PADI4: variants seen among roughly 807,000 people sequenced by gnomAD.
PADI4 encodes the protein protein-arginine deiminase type-4.
In PADI4, 62 loss-of-function variants were observed where a neutral mutation model predicts 75.0. The observed-to-expected ratio is 0.83, with a 90% CI of 0.67 to 1.02. PADI4 has a LOEUF of 1.02. Ranked by LOEUF, PADI4 falls within the 50% of genes least tolerant of loss-of-function variation. The pLI, the probability that PADI4 is intolerant of heterozygous loss-of-function variation, is 0.00. For missense variants in PADI4, 845 were observed against 850.5 expected, an observed-to-expected ratio of 0.99 and a Z score of 0.08; for synonymous variants, 361 against 348.1, an observed-to-expected ratio of 1.04 and a Z score of -0.41.
chr1:17,308,971 G>A (rs759152361), intron 1 of PADI4, among the ~76,000 whole-genome samples: 37 of 152,102 alleles, frequency 2.4e-4, no homozygotes, highest in Non-Finnish European at 4.9e-4. Context: ...CCCATCCTTG[G>A]TAGTTTTTAT....
chr1:17,344,826 T>C (rs1490454034), intron 8 of PADI4, among the ~76,000 whole-genome samples: 3 of 152,218 alleles, frequency 2.0e-5, no homozygotes, highest in African/African-American at 7.2e-5. Flanking sequence ...GGGGTGGTGT[T>C]CTCATGGAAA....
At chr1:17,325,768 G>A (rs1553143939) in intron 1 of PADI4, among the ~76,000 whole-genome samples, 1 of 151,582 alleles carries the variant, frequency 6.6e-6, no homozygotes, top group Non-Finnish European at 1.5e-5. Context: ...GAGTGCAATG[G>A]CACAATCTTG....
intron 10 of PADI4, among the ~76,000 whole-genome samples, chr1:17,353,315 A>T (rs1194386610): frequency 6.6e-6 from 1 of 152,086 alleles, no homozygotes; most frequent in Admixed American, 6.6e-5. Flanking sequence ...CAACTTTAAA[A>T]ATTAGCCAGG....
chr1:17,330,479 A>T (rs954811562), intron 1 of PADI4, among the ~76,000 whole-genome samples: 2 of 152,178 alleles, frequency 1.3e-5, no homozygotes, highest in Non-Finnish European at 2.9e-5. Flanking sequence ...GCTCAGTCTG[A>T]ATTTGAAAGC....
intron 13 of PADI4, among the ~76,000 whole-genome samples, chr1:17,357,472 CA>C (rs2074779967): frequency 1.3e-5 from 2 of 151,496 alleles, no homozygotes; most frequent in African/African-American, 4.8e-5. Context: ...TGGCTTAAAA[CA>C]AGGACATTTC....
chr1:17,328,003 G>C (rs886844686), intron 1 of PADI4, among the ~76,000 whole-genome samples: 1 of 151,486 alleles, frequency 6.6e-6, no homozygotes, highest in Non-Finnish European at 1.5e-5. Flanking sequence ...TATTATTTTG[G>C]TGAATATCTT....
chr1:17,340,790 C>CT (rs138301211), intron 6 of PADI4, among the ~76,000 whole-genome samples: 3,309 of 126,622 alleles, frequency 0.026, 37 homozygotes, highest in African/African-American at 0.031. Context: ...CTATTCCAAG[C>CT]TTTTTTTTTT....
At chr1:17,331,748 T>A (rs143028466) in intron 2 of PADI4, among the ~76,000 whole-genome samples, 1 of 151,964 alleles carries the variant, frequency 6.6e-6, no homozygotes, top group Non-Finnish European at 1.5e-5. Flanking sequence ...TGAAACCCCA[T>A]CTCTATTAAA....
intron 3 of PADI4, chr1:17,334,307 A>ATTT (rs34965359): frequency 0.037 from 12,426 of 339,054 alleles, 22 homozygotes; most frequent in South Asian, 0.049. Context: ...ATCTCCATTA[A>ATTT]TTTTTTTTTT....
chr1:17,356,029 G>A lies in PADI4; in HGVS notation c.1357G>A (p.Ala453Thr). ...MHQALQDFLS[A>T]QQVQAPVKLY... Reference sequence around the variant, plus strand: ...CCAGGCCCTGCAGGACTTCCTCAGTGCCCAGCAGGTGCAGGCCCCTGTGAA... The same window carrying A: ...CCAGGCCCTGCAGGACTTCCTCAGTACCCAGCAGGTGCAGGCCCCTGTGAA... The change falls in exon 12 of 16, where the codon GCC becomes ACC. Residue 453 changes from alanine to threonine, a missense_variant. Transcript: ENST00000375448. This position sits in a 1 kb window ranked among gnomAD's most constrained non-coding sequence, Gnocchi z 4.1. 6.2e-7 allele frequency: 1 copy of A among 1,614,106 alleles called. No homozygotes were observed.
At chr1:17,330,442 A>G (rs2074190161) in intron 1 of PADI4, among the ~76,000 whole-genome samples, 1 of 152,208 alleles carries the variant, frequency 6.6e-6, no homozygotes, top group Non-Finnish European at 1.5e-5. Context: ...ACGATCTGCA[A>G]GCTGGGGAAG....
chr1:17,363,665 C>T lies in PADI4; in HGVS notation c.1902C>T (p.Phe634=), dbSNP rs866450005. 6.2e-7 allele frequency: 1 copy of T among 1,614,204 alleles called. No individual in the cohort carries two copies. Among genetic ancestry groups the T allele is most frequent in the Non-Finnish European group, 8.5e-7 (1 of 1,179,990 alleles). The part of the protein sequence containing the change: ...GLQCTFINDF[F]TYHIRHGEVH... Reference sequence around the variant, plus strand: ...AGTGCACCTTCATCAACGACTTCTTCACCTACCACATCAGGCATGGGGAGG... The same window carrying T: ...AGTGCACCTTCATCAACGACTTCTTTACCTACCACATCAGGCATGGGGAGG... Residue 634 remains phenylalanine, a synonymous_variant, in exon 16 of 16, where the codon TTC becomes TTT. Coordinates refer to ENST00000375448, the MANE Select transcript of PADI4 (RefSeq NM_012387.3).
At chr1:17,309,750 G>C (rs1487566833) in intron 1 of PADI4, among the ~76,000 whole-genome samples, 2 of 152,210 alleles carry the variant, frequency 1.3e-5, no homozygotes, top group Non-Finnish European at 2.9e-5. Flanking sequence ...GGTCTCCCAG[G>C]GCCACATGGT....
At chr1:17,317,089 G>T (rs1416703189) in intron 1 of PADI4, among the ~76,000 whole-genome samples, 1 of 152,182 alleles carries the variant, frequency 6.6e-6, no homozygotes, top group African/African-American at 2.4e-5. Context: ...ATGTCGCAGA[G>T]TTGTCATGGA....
At position 17,342,092 on chromosome 1, in the gene PADI4, A is replaced by G. The variant is rs1368934948; in HGVS notation, c.802A>G (p.Thr268Ala). 6.2e-7 allele frequency: 1 copy of G among 1,613,708 alleles called. No individual in the cohort carries two copies. The highest frequency in any genetic ancestry group is 2.2e-5 in the East Asian group (1 of 44,870). The change falls in exon 7 of 16, where the codon ACC becomes GCC. Residue 268 changes from threonine to alanine, a missense_variant. Transcript: ENST00000375448. ...DTDFPGLITLTISLLDTSNLE... is the reference protein window; with the variant it reads ...DTDFPGLITLAISLLDTSNLE... The stretch of plus-strand genomic sequence containing the variant: ...CGACTTCCCGGGGCTCATTACCCTC[A>G]CCATCTCCCTGCTGGACACGTCCAA...
chr1:17,323,945 T>C (rs1265972884), intron 1 of PADI4, among the ~76,000 whole-genome samples: 4 of 152,158 alleles, frequency 2.6e-5, no homozygotes, highest in African/African-American at 9.7e-5. Context: ...TCTCTAGGGA[T>C]TGTCCACTGT....
Position 17,356,060 on chromosome 1 carries a change from A to G in PADI4, c.1388A>G (p.Tyr463Cys). 1.2e-6 allele frequency: 2 copies of G among 1,614,092 alleles called. No individual in the cohort carries two copies. Among genetic ancestry groups the G allele is most frequent in the Non-Finnish European group, 1.7e-6 (2 of 1,179,998 alleles). Residue 463 changes from tyrosine (Y) to cysteine (C), a missense_variant, in exon 12 of 16, where the codon TAT becomes TGT. Tyr to Cys is a radical substitution (Grantham distance 194, BLOSUM62 -2). Transcript: ENST00000375448. This position sits in a 1 kb window ranked among gnomAD's most constrained non-coding sequence, Gnocchi z 4.1. ...CAGGTGCAGGCCCCTGTGAAGCTCT[A>G]TTCTGACTGGCTGTCCGTGGGCCAC... The part of the protein sequence containing the change: ...AQQVQAPVKL[Y>C]SDWLSVGHVD...
At chr1:17,334,799 C>T (rs997317388) in intron 3 of PADI4, 2 of 352,720 alleles carry the variant, frequency 5.7e-6, no homozygotes, top group Admixed American at 3.8e-5. Flanking sequence ...TTAAACTTGA[C>T]CTCATTTTGA....
At chr1:17,353,364 G>A (rs1428617011) in intron 10 of PADI4, among the ~76,000 whole-genome samples, 8 of 152,138 alleles carry the variant, frequency 5.3e-5, no homozygotes, top group South Asian at 2.1e-4. Context: ...CTACTCGGGC[G>A]GCTGAGACGG....
Sources: gnomAD v4.1 joint callset for allele counts (sites outside exome capture counted in the v4.1 genomes callset) on GRCh38, gnomAD v4.1.1 for gene constraint, Gnocchi (gnomAD v3.1) non-coding constraint, MANE v1.5 for transcripts, NCBI Gene and HGNC (gene_info 2026-07-23, HGNC 2026-07-21) for gene names.